Variants in SOX6 observed in about 807,000 individuals in gnomAD.
The protein encoded by SOX6 is SRY-box transcription factor 6.
A neutral mutation model predicts 97.8 loss-of-function variants in SOX6; 11 were observed. That is an observed-to-expected ratio of 0.11 (90% CI 0.07 to 0.19). SOX6 has a LOEUF of 0.19. Among genes scored for constraint, SOX6 ranks in the 10% least tolerant of loss-of-function variants. The probability of loss-of-function intolerance (pLI) is 1.00; values close to 1 mark genes in which losing one functional copy is unlikely to be tolerated. For synonymous variants in SOX6, 360 were observed against 371.4 expected (o/e 0.97, Z 0.35); for missense variants, 810 against 1,039.5 (o/e 0.78, Z 3.04).
intron 2 of SOX6, among the ~76,000 whole-genome samples, chr11:16,716,095 G>A (rs900696879): frequency 6.6e-6 from 1 of 152,120 alleles, no homozygotes; most frequent in African/African-American, 2.4e-5. Context: ...ATTTATCCAG[G>A]CATGGTGGTG....
chr11:16,513,347 AG>A (rs1352723597), intron 4 of SOX6, among the ~76,000 whole-genome samples: 2 of 152,220 alleles, frequency 1.3e-5, no homozygotes, highest in East Asian at 1.9e-4. Context: ...AAACAGTGGA[AG>A]GGGGCCGGGC....
At chr11:16,257,287 T>C (rs1853722819) in intron 3 of SOX6, among the ~76,000 whole-genome samples, 1 of 151,778 alleles carries the variant, frequency 6.6e-6, no homozygotes, top group Admixed American at 6.6e-5. Flanking sequence ...GTCAGAAAAC[T>C]GACACTATCC....
chr11:16,533,655 T>G (rs1861267124), intron 4 of SOX6, among the ~76,000 whole-genome samples: 1 of 152,038 alleles, frequency 6.6e-6, no homozygotes, highest in Non-Finnish European at 1.5e-5. Flanking sequence ...ACTTTTAATT[T>G]TGTCCTATTG....
intron 3 of SOX6, among the ~76,000 whole-genome samples, chr11:16,681,994 C>T (rs551085875): frequency 1.3e-5 from 2 of 152,266 alleles, no homozygotes; most frequent in East Asian, 3.9e-4. Context: ...AAAACAAGTC[C>T]AGGACCAGAC....
intron 4 of SOX6, among the ~76,000 whole-genome samples, chr11:16,526,371 A>T (rs1403468298): frequency 6.6e-6 from 1 of 151,948 alleles, no homozygotes; most frequent in Non-Finnish European, 1.5e-5. Context: ...TTCTCAGTAA[A>T]CTATCGCAAG....
rs184814975 is a variant in SOX6, at chr11:16,672,323, T to G, written n.429+42507A>C. Among the ~76,000 whole-genome samples the G allele has an allele frequency of 5.9e-5, 9 of 152,318 alleles. No homozygotes were observed. The East Asian group carries it at 1.7e-3, about 29-fold the overall frequency. The stretch of plus-strand genomic sequence containing the variant: ...ATACTAACCTAAAATGCAAATTGGC[T>G]AAACGCCCCATTTAAAAGGCCCAGA... On this transcript the variant is annotated intron_variant and non_coding_transcript_variant, in intron 3 of 5. Transcript: ENST00000524520.
chr11:16,355,193 A>G (rs1391877928), intron 1 of SOX6, among the ~76,000 whole-genome samples: 3 of 152,074 alleles, frequency 2.0e-5, no homozygotes, highest in African/African-American at 4.8e-5. Flanking sequence ...TGAAAGTTCC[A>G]TCATCAAGAT....
intron 12 of SOX6, among the ~76,000 whole-genome samples, chr11:16,032,232 T>C (rs138613765): frequency 6.6e-6 from 1 of 152,222 alleles, no homozygotes; most frequent in Non-Finnish European, 1.5e-5. Flanking sequence ...CAGTAAAAAG[T>C]ATAGAATTTA....
In SOX6 at chr11:15,986,206, C is replaced by A. The variant is rs117036791; in HGVS notation, c.2181G>T (p.Val727=). 3.5e-4 allele frequency: 563 copies of A among 1,613,990 alleles called. 6 individuals are homozygous for A. The East Asian group carries it at 0.011, about 32-fold the overall frequency. Residue 727 remains valine (V), a splice_region_variant and synonymous_variant, in exon 15 of 16, where the codon GTG becomes GTT. Coordinates refer to ENST00000683767, the MANE Select transcript of SOX6 (RefSeq NM_001367873.1). The part of the protein sequence containing the change: ...RRQEMRQFFT[V]GQQPQIPITT... ...TGGCTAAATTCAGGAATACTTACCC[C>A]ACAGTAAAGAACTGCCTCATCTCCT...
chr11:16,529,950 C>T (rs541825116), intron 4 of SOX6, among the ~76,000 whole-genome samples: 5 of 151,894 alleles, frequency 3.3e-5, no homozygotes, highest in East Asian at 1.9e-4. Context: ...TGTACAGAAA[C>T]GCTTATTAAA....
chr11:16,730,198 A>G (rs1848338879), intron 2 of SOX6, among the ~76,000 whole-genome samples: 1 of 152,058 alleles, frequency 6.6e-6, no homozygotes, highest in Non-Finnish European at 1.5e-5. Context: ...AAGACAGAAA[A>G]TTAACAAGGA....
intron 2 of SOX6, among the ~76,000 whole-genome samples, chr11:16,319,449 G>A (rs1855847263): frequency 6.6e-6 from 1 of 151,980 alleles, no homozygotes; most frequent in Non-Finnish European, 1.5e-5. Context: ...GTGGCATGTT[G>A]GTGTGCTGCA....
intron 4 of SOX6, among the ~76,000 whole-genome samples, chr11:16,523,626 T>C: frequency 6.6e-6 from 1 of 151,806 alleles, no homozygotes; most frequent in East Asian, 1.9e-4. Context: ...AAGAAATAAC[T>C]AAGATCAGAG....
At chr11:16,379,269 C>A (rs908835466) in intron 1 of SOX6, among the ~76,000 whole-genome samples, 1 of 151,938 alleles carries the variant, frequency 6.6e-6, no homozygotes, top group Admixed American at 6.6e-5. Flanking sequence ...AAGTTGGAGA[C>A]CAGCCTGACC....
intron 3 of SOX6, among the ~76,000 whole-genome samples, chr11:16,683,713 A>G (rs1485587563): frequency 6.6e-6 from 1 of 152,240 alleles, no homozygotes; most frequent in African/African-American, 2.4e-5. Context: ...AGCAATGGCA[A>G]CAAAAGCCAA....
chr11:16,706,567 G>T (rs562985531), intron 3 of SOX6, among the ~76,000 whole-genome samples: 1 of 130,876 alleles, frequency 7.6e-6, no homozygotes, highest in African/African-American at 3.0e-5. Flanking sequence ...TTTAGCAAAG[G>T]GCAGTGGAAA....
chr11:16,679,724 T>C (rs967231648), intron 3 of SOX6, among the ~76,000 whole-genome samples: 1 of 151,942 alleles, frequency 6.6e-6, no homozygotes, highest in Admixed American at 6.6e-5. Flanking sequence ...TCTTCAAAGT[T>C]AGAGGAATGG....
chr11:15,982,435 C>G (rs948788416), intron 15 of SOX6, among the ~76,000 whole-genome samples: 3 of 151,910 alleles, frequency 2.0e-5, no homozygotes, highest in Admixed American at 6.6e-5. Flanking sequence ...AAAGTAGCCC[C>G]AAATTTAATA....
chr11:16,495,695 A>C (rs1860583511), intron 4 of SOX6, among the ~76,000 whole-genome samples: 1 of 152,194 alleles, frequency 6.6e-6, no homozygotes, highest in African/African-American at 2.4e-5. Flanking sequence ...CCCACTGGCC[A>C]GGGACCCAAA....
Sources: gnomAD v4.1 joint callset for allele counts (sites outside exome capture counted in the v4.1 genomes callset) on GRCh38, gnomAD v4.1.1 for gene constraint, MANE v1.5 for transcripts, NCBI Gene and HGNC (gene_info 2026-07-23, HGNC 2026-07-21) for gene names.